Variants in STAB2 observed in about 807,000 individuals in gnomAD.
STAB2 encodes stabilin-2.
A neutral mutation model predicts 338.1 loss-of-function variants in STAB2; 288 were observed. The observed-to-expected ratio is 0.85, with a 90% CI of 0.77 to 0.94. STAB2 has a LOEUF of 0.94. Ranked by LOEUF, STAB2 falls within the 40% of genes least tolerant of loss-of-function variation. The pLI, the probability that STAB2 is intolerant of heterozygous loss-of-function variation, is 0.00. For synonymous variants in STAB2, 1,202 were observed against 1,193.3 expected, an observed-to-expected ratio of 1.01 and a Z score of -0.15; for missense variants, 3,141 against 3,210.1, an observed-to-expected ratio of 0.98 and a Z score of 0.52.
chr12:103,692,758 T>A, intron 30 of STAB2, 54 bp from the exon 31 acceptor site: 13 of 1,479,526 alleles, frequency 8.8e-6, no homozygotes, highest in Non-Finnish European at 1.1e-5. Flanking sequence ...ATCATCTCAA[T>A]CCCAAGGTGC....
chr12:103,729,387 A>G (rs1778533245), intron 48 of STAB2, among the ~76,000 whole-genome samples: 1 of 152,188 alleles, frequency 6.6e-6, no homozygotes, highest in African/African-American at 2.4e-5. Flanking sequence ...TAAGTGCCTT[A>G]TCCTTAGGTC....
chr12:103,605,137 G>A (rs1176049236), intron 3 of STAB2, among the ~76,000 whole-genome samples: 1 of 151,638 alleles, frequency 6.6e-6, no homozygotes, highest in African/African-American at 2.4e-5. Flanking sequence ...CTTCCAAATA[G>A]AATAATTTTT....
chr12:103,765,513 C>T (rs1483712368), intron 68 of STAB2, among the ~76,000 whole-genome samples: 1 of 152,176 alleles, frequency 6.6e-6, no homozygotes, highest in Non-Finnish European at 1.5e-5. Flanking sequence ...ATTGACAAAG[C>T]CTGGGTGCCA....
intron 55 of STAB2, among the ~76,000 whole-genome samples, chr12:103,741,391 C>T (rs1323666752): frequency 1.3e-5 from 2 of 152,148 alleles, no homozygotes; most frequent in African/African-American, 4.8e-5. Context: ...TTTTCCCATA[C>T]ATATCAAAAC....
At chr12:103,688,781 C>G (rs777776645) in intron 28 of STAB2, among the ~76,000 whole-genome samples, 3 of 152,212 alleles carry the variant, frequency 2.0e-5, no homozygotes, top group Admixed American at 6.5e-5. Context: ...TGAGCGTGCT[C>G]TCTTGAGCAT....
At chr12:103,597,377 CT>C (rs1438293387) in intron 3 of STAB2, among the ~76,000 whole-genome samples, 3 of 152,160 alleles carry the variant, frequency 2.0e-5, no homozygotes, top group Non-Finnish European at 2.9e-5. Flanking sequence ...CATCCACTTC[CT>C]TTTTAATGCA....
chr12:103,700,406 G>T (rs1878760625), intron 34 of STAB2, among the ~76,000 whole-genome samples: 1 of 152,122 alleles, frequency 6.6e-6, no homozygotes, highest in African/African-American at 2.4e-5. Flanking sequence ...TTTCTTCAGT[G>T]GTGTCACTAC....
chr12:103,643,157 G>T (rs1873047986), intron 9 of STAB2, among the ~76,000 whole-genome samples: 1 of 152,082 alleles, frequency 6.6e-6, no homozygotes, highest in Admixed American at 6.5e-5. Flanking sequence ...ATAGGGGTAG[G>T]GAGCTCTCTG....
intron 9 of STAB2, among the ~76,000 whole-genome samples, chr12:103,643,270 A>C (rs1798486464): frequency 6.6e-6 from 1 of 152,148 alleles, no homozygotes; most frequent in African/African-American, 2.4e-5. Flanking sequence ...ATACCATCAC[A>C]CTGTGGGTTA....
intron 5 of STAB2, among the ~76,000 whole-genome samples, chr12:103,627,273 G>A (rs1957395380): frequency 6.6e-6 from 1 of 152,192 alleles, no homozygotes; most frequent in South Asian, 2.1e-4. Context: ...TGGATCCTAA[G>A]AGTGATGAGA....
chr12:103,595,873 A>C (rs1285003787), intron 3 of STAB2, among the ~76,000 whole-genome samples: 2 of 152,112 alleles, frequency 1.3e-5, no homozygotes, highest in Non-Finnish European at 2.9e-5. Flanking sequence ...GGGCCTCAAA[A>C]TGTGTTGGTA....
chr12:103,622,415 GGCATTTGCCTTA>G (rs1957316786), intron 5 of STAB2, among the ~76,000 whole-genome samples: 1 of 152,184 alleles, frequency 6.6e-6, no homozygotes, highest in Admixed American at 6.5e-5. Context: ...GTTACAGCTT[GGCATTTGCCTTA>G]TTTGAACACG....
At position 103,620,641 on chromosome 12, in the gene STAB2, A is replaced by ACACAC. The variant is rs1555227729; in HGVS notation, c.417+89_417+93dup. 3 of 1,037,354 alleles carry ACACAC rather than the reference A, an allele frequency of 2.9e-6. No individual in the cohort carries two copies. In the African/African-American group the frequency reaches 4.8e-5, roughly 17 times the overall value. The allele number at this position is 1,037,354 out of a possible 1,614,324, so 64.3% of individuals were successfully genotyped here. On this transcript the variant is annotated intron_variant, in intron 4 of 68. Transcript: ENST00000388887. ...CCTCCTTAAACACACACACACACAC[A>ACACAC]CACACACACACACGTGCACACACAC...
chr12:103,760,387 C>T (rs181582686), intron 65 of STAB2, among the ~76,000 whole-genome samples: 10 of 152,080 alleles, frequency 6.6e-5, no homozygotes, highest in South Asian at 4.1e-4. Flanking sequence ...CAGCCTCCCG[C>T]GTAGCTGGGA....
Position 103,715,860 on chromosome 12 carries a change from C to A in STAB2, c.4583C>A (p.Ala1528Glu), listed in dbSNP as rs909374423. The change falls in exon 43 of 69, where the codon GCG (alanine) becomes GAG (glutamate). Residue 1528 changes from alanine (A) to glutamate (E), a missense_variant. Transcript: ENST00000388887. ...AACCATGGTGGCTGTGACAAGAATGCGGAGTGCACACAGACAGGACCCAAC... is the reference window on the plus strand; with the variant it reads ...AACCATGGTGGCTGTGACAAGAATGAGGAGTGCACACAGACAGGACCCAAC... ...LENHGGCDKN[A>E]ECTQTGPNQA... 3.1e-6 allele frequency: 5 copies of A among 1,613,936 alleles called. No homozygotes were observed. Among genetic ancestry groups the A allele is most frequent in the South Asian group, 2.2e-5 (2 of 91,082 alleles).
At chr12:103,758,445 C>A (rs1248524397) in intron 64 of STAB2, among the ~76,000 whole-genome samples, 156 bp downstream of exon 64, 4 of 152,098 alleles carry the variant, frequency 2.6e-5, no homozygotes, top group Non-Finnish European at 4.4e-5. Context: ...GGTCTTGGCA[C>A]ACTCGGGTCT....
In STAB2 at chr12:103,755,347, G is replaced by A; in HGVS notation, c.6760G>A (p.Val2254Ile). 2 of 1,614,148 alleles carry A rather than the reference G, an allele frequency of 1.2e-6. No homozygotes were observed. The highest frequency in any genetic ancestry group is 1.7e-6 in the Non-Finnish European group (2 of 1,180,028). ...AGCAGGCTGGCTGGAGACCGGGCGGGTTGCCTACCCCACAGCCTTCGCCTC... is the reference window on the plus strand; with the variant it reads ...AGCAGGCTGGCTGGAGACCGGGCGGATTGCCTACCCCACAGCCTTCGCCTC... Reference protein sequence around the residue: ...CSAGWLETGRVAYPTAFASQN... With the variant: ...CSAGWLETGRIAYPTAFASQN... The change falls in exon 62 of 69, where the codon GTT becomes ATT. Residue 2254 changes from valine to isoleucine, a missense_variant. Coordinates refer to ENST00000388887, the MANE Select transcript of STAB2 (RefSeq NM_017564.10).
At chr12:103,747,426 A>G (rs1883152031) in intron 58 of STAB2, among the ~76,000 whole-genome samples, 2 of 152,154 alleles carry the variant, frequency 1.3e-5, no homozygotes. Flanking sequence ...TCCTTTTCTG[A>G]ACTCCTTTTA....
Position 103,640,163 on chromosome 12 carries a change from C to G in STAB2, c.947C>G (p.Pro316Arg). ...AAGGAGCATTACCAGAATTTCGTAC[C>G]TGGAGTGGGGTGCAGTATGACTGAT... ...ECKEHYQNFV[P>R]GVGCSMTDIC... Residue 316 changes from proline (P) to arginine (R), a missense_variant, in exon 9 of 69, where the codon CCT (proline) becomes CGT (arginine). Coordinates refer to ENST00000388887, the MANE Select transcript of STAB2 (RefSeq NM_017564.10). 1 of 1,613,218 alleles carries G rather than the reference C, an allele frequency of 6.2e-7. No homozygotes were observed. Among genetic ancestry groups the G allele is most frequent in the Non-Finnish European group, 8.5e-7 (1 of 1,179,460 alleles).
Sources: gnomAD v4.1 joint callset for allele counts (sites outside exome capture counted in the v4.1 genomes callset) on GRCh38, gnomAD v4.1.1 for gene constraint, MANE v1.5 for transcripts, NCBI Gene and HGNC (gene_info 2026-07-23, HGNC 2026-07-21) for gene names.